The following SHTN1 variants were observed in gnomAD, a reference collection of about 807,000 sequenced individuals.
SHTN1 encodes shootin 1.
A neutral mutation model predicts 83.1 loss-of-function variants in SHTN1; 42 were observed. The ratio of observed to expected loss-of-function variants is 0.51; its 90% confidence interval spans 0.39 to 0.65. The LOEUF (loss-of-function observed/expected upper bound fraction) is 0.65, where lower values mean the gene tolerates loss of function less well. SHTN1 is among the 30% of genes least tolerant of loss of function. The pLI, the probability that SHTN1 is intolerant of heterozygous loss-of-function variation, is 0.00. For missense variants in SHTN1, 622 were observed against 737.8 expected, an observed-to-expected ratio of 0.84 and a Z score of 1.82; for synonymous variants, 224 against 247.7, an observed-to-expected ratio of 0.90 and a Z score of 0.90.
chr10:117,080,944 T>C (rs1293812137), intron 1 of SHTN1, among the ~76,000 whole-genome samples: 2 of 148,572 alleles, frequency 1.3e-5, no homozygotes, highest in African/African-American at 2.5e-5. Context: ...GCTGAGACAA[T>C]GGGGTTTTCT....
chr10:116,940,022 C>A (rs1849311298), intron 9 of SHTN1, among the ~76,000 whole-genome samples: 1 of 152,174 alleles, frequency 6.6e-6, no homozygotes, highest in African/African-American at 2.4e-5. Context: ...CAAAAATTTT[C>A]TCTAAGCAAA....
Position 116,923,615 on chromosome 10 carries a change from GCA to G in SHTN1, c.1113-2101_1113-2100del, listed in dbSNP as rs1848639512. 2.0e-5 allele frequency among the ~76,000 whole-genome samples: 3 copies of G among 151,930 alleles called. No individual in the cohort carries two copies. In the South Asian group the frequency reaches 6.2e-4, roughly 32 times the overall value. On this transcript the variant is annotated intron_variant, in intron 11 of 16. Transcript: ENST00000355371. ...CTGTTGCCCATGCTGGAGTACAAGG[GCA>G]CAGTCACCACTCATTGCAGCTCCGA...
intron 9 of SHTN1, among the ~76,000 whole-genome samples, chr10:116,933,717 G>A (rs912538028): frequency 6.6e-6 from 1 of 152,126 alleles, no homozygotes; most frequent in Non-Finnish European, 1.5e-5. Flanking sequence ...GGTATTTCTG[G>A]TTCTAGACCC....
At chr10:117,059,951 C>T (rs970548326) in intron 1 of SHTN1, among the ~76,000 whole-genome samples, 1 of 152,134 alleles carries the variant, frequency 6.6e-6, no homozygotes, top group African/African-American at 2.4e-5. Context: ...TGGCCGACGC[C>T]TGTAATCCCA....
rs112363474 is a variant in SHTN1, at chr10:117,022,155, G to A, written c.-123+26290C>T. ...TATATAGTCTGCCTGAATCTCTAAC[G>A]TGATACACCATCCAATAAAATACTA... On this transcript the variant is annotated intron_variant, in intron 2 of 17. Transcript: ENST00000392901. 7.0e-3 allele frequency among the ~76,000 whole-genome samples: 1,067 copies of A among 152,070 alleles called. 17 individuals carry two copies. The highest frequency in any genetic ancestry group is 0.025 in the African/African-American group (1,024 of 41,466).
At chr10:117,079,850 T>C (rs879429980) in intron 1 of SHTN1, among the ~76,000 whole-genome samples, 2 of 148,614 alleles carry the variant, frequency 1.3e-5, no homozygotes. Flanking sequence ...GAGAAGTGTC[T>C]GTTCATGTCC....
At chr10:116,929,509 C>T (rs749429099) in intron 10 of SHTN1, among the ~76,000 whole-genome samples, 7 of 152,006 alleles carry the variant, frequency 4.6e-5, no homozygotes, top group Non-Finnish European at 1.0e-4. Context: ...TCTAAGTGAA[C>T]AAAATAAAGT....
intron 14 of SHTN1, 80 bp from the exon 15 acceptor site, chr10:116,906,827 A>G: frequency 6.1e-6 from 7 of 1,140,088 alleles, no homozygotes; most frequent in Non-Finnish European, 8.3e-6. Context: ...CAAACCATGA[A>G]AACATTACCA....
intron 1 of SHTN1, among the ~76,000 whole-genome samples, chr10:116,991,132 G>A (rs946879033): frequency 2.6e-5 from 4 of 151,968 alleles, no homozygotes; most frequent in African/African-American, 9.7e-5. Flanking sequence ...CTTGCAGTGA[G>A]CCGAGATTAT....
chr10:117,027,887 G>A (rs1219432230), intron 2 of SHTN1, among the ~76,000 whole-genome samples: 1 of 152,182 alleles, frequency 6.6e-6, no homozygotes, highest in Non-Finnish European at 1.5e-5. Flanking sequence ...AACTGAAAAT[G>A]TGGAAGCACC....
rs1331182160 is a variant in SHTN1 at position 116,965,444 on chromosome 10, G to C, written c.172+3208C>G. Among the ~76,000 whole-genome samples the C allele has an allele frequency of 3.3e-5, 5 of 152,316 alleles. No homozygotes were observed. In the East Asian group the frequency reaches 9.7e-4, roughly 29 times the overall value. ...AGGCACAAGAATTGCTTGAATCCAG[G>C]AGGCGGAGGTCGCAGCGAGCAGAGA... On this transcript the variant is annotated intron_variant, in intron 3 of 16. Coordinates refer to ENST00000355371, the MANE Select transcript of SHTN1 (RefSeq NM_001127211.3).
intron 1 of SHTN1, among the ~76,000 whole-genome samples, chr10:117,061,816 A>T (rs1405028213): frequency 6.6e-6 from 1 of 152,174 alleles, no homozygotes; most frequent in African/African-American, 2.4e-5. Context: ...GGCTTCTGCG[A>T]AACCTAACAA....
intron 2 of SHTN1, among the ~76,000 whole-genome samples, chr10:117,018,499 A>ATAT (rs1852213209): frequency 1.5e-5 from 1 of 66,854 alleles, no homozygotes; most frequent in Non-Finnish European, 3.4e-5. Context: ...GTGTATGTGT[A>ATAT]TTTTTTTTAA....
In SHTN1 at chr10:116,901,975, A is replaced by G; in HGVS notation, c.1481-18T>C. The G allele has an allele frequency of 6.4e-7, 1 of 1,563,978 alleles. No individual in the cohort carries two copies. Among genetic ancestry groups the G allele is most frequent in the East Asian group, 2.3e-5 (1 of 42,684 alleles). ...AGTTGGACCTTAAAACCAAACACAT[A>G]CCTCAAGTTTAATAATTCTGTATGA... is the stretch of plus-strand genomic sequence containing the variant. On this transcript the variant is annotated intron_variant, in intron 15 of 16. Coordinates refer to ENST00000355371, the MANE Select transcript of SHTN1 (RefSeq NM_001127211.3).
At chr10:116,999,728 C>G (rs1023109837) in intron 1 of SHTN1, among the ~76,000 whole-genome samples, 1 of 152,148 alleles carries the variant, frequency 6.6e-6, no homozygotes, top group African/African-American at 2.4e-5. Context: ...GCCTGACCAA[C>G]ATAGTGAAAC....
chr10:117,076,775 T>C (rs1331338651), intron 1 of SHTN1, among the ~76,000 whole-genome samples: 2 of 152,180 alleles, frequency 1.3e-5, no homozygotes, highest in African/African-American at 4.8e-5. Flanking sequence ...GGAAAAAATA[T>C]GCCTCGCACT....
At chr10:117,064,168 T>C (rs1298922486) in intron 1 of SHTN1, among the ~76,000 whole-genome samples, 1 of 152,182 alleles carries the variant, frequency 6.6e-6, no homozygotes, top group Non-Finnish European at 1.5e-5. Flanking sequence ...ATAAAACAAA[T>C]GTTTCAACTC....
intron 1 of SHTN1, among the ~76,000 whole-genome samples, chr10:116,995,722 T>C (rs943895260): frequency 6.6e-6 from 1 of 151,884 alleles, no homozygotes; most frequent in Non-Finnish European, 1.5e-5. Flanking sequence ...TATTTTCTGA[T>C]ATGACCAGTT....
intron 1 of SHTN1, among the ~76,000 whole-genome samples, chr10:117,096,919 A>G (rs1853509669): frequency 1.3e-5 from 2 of 152,270 alleles, no homozygotes; most frequent in African/African-American, 4.8e-5. Context: ...GGAATTAAAA[A>G]AGAGGAACAT....
Sources: allele counts gnomAD v4.1 joint callset (sites outside exome capture counted in the v4.1 genomes callset), GRCh38; gene constraint gnomAD v4.1.1; transcripts MANE v1.5; gene names NCBI Gene and HGNC (gene_info 2026-07-23, HGNC 2026-07-21).